The following MCTP1 variants were observed in gnomAD, a reference collection of about 807,000 sequenced individuals.
MCTP1 encodes multiple C2 and transmembrane domain-containing protein 1.
A neutral mutation model predicts 120.6 loss-of-function variants in MCTP1; 69 were observed. That is an observed-to-expected ratio of 0.57 (90% CI 0.47 to 0.70). MCTP1 has a LOEUF of 0.70. Among genes scored for constraint, MCTP1 ranks in the 30% least tolerant of loss-of-function variants. The pLI is 0.00. For missense variants in MCTP1, 1,203 were observed against 1,248.8 expected (o/e 0.96, Z 0.55); for synonymous variants, 529 against 493.1 (o/e 1.07, Z -0.96).
At chr5:94,720,143 A>C (rs1760554939) in intron 19 of MCTP1, among the ~76,000 whole-genome samples, 1 of 151,910 alleles carries the variant, frequency 6.6e-6, no homozygotes, top group Non-Finnish European at 1.5e-5. Context: ...ATAAATAAAT[A>C]AAAATAAAAT....
At chr5:94,822,880 C>A (rs1338795521) in intron 17 of MCTP1, among the ~76,000 whole-genome samples, 2 of 152,152 alleles carry the variant, frequency 1.3e-5, no homozygotes, top group African/African-American at 4.8e-5. Flanking sequence ...TGTTCATATC[C>A]TTCATCCACT....
At chr5:95,062,486 C>T (rs1325914873) in intron 1 of MCTP1, among the ~76,000 whole-genome samples, 1 of 152,148 alleles carries the variant, frequency 6.6e-6, no homozygotes, top group East Asian at 1.9e-4. Flanking sequence ...AATTCCCTCC[C>T]TGCATTAAGC....
At chr5:95,203,956 T>C (rs1751346928) in intron 1 of MCTP1, among the ~76,000 whole-genome samples, 1 of 152,218 alleles carries the variant, frequency 6.6e-6, no homozygotes, top group Non-Finnish European at 1.5e-5. Context: ...TGTAAATGTG[T>C]AGATTACTAA....
chr5:94,768,443 AAAT>A (rs1486254070), intron 19 of MCTP1, among the ~76,000 whole-genome samples: 2 of 152,158 alleles, frequency 1.3e-5, no homozygotes, highest in Non-Finnish European at 2.9e-5. Context: ...ACAGCAAAGG[AAAT>A]AATAAGAACG....
At chr5:94,824,320 G>T (rs79715535) in intron 17 of MCTP1, among the ~76,000 whole-genome samples, 2 of 152,128 alleles carry the variant, frequency 1.3e-5, no homozygotes, top group South Asian at 2.1e-4. Context: ...TTTTGTCATT[G>T]GTTCTGTTTT....
At chr5:94,719,530 A>T (rs1202471014) in intron 19 of MCTP1, among the ~76,000 whole-genome samples, 2 of 152,220 alleles carry the variant, frequency 1.3e-5, no homozygotes, top group Non-Finnish European at 2.9e-5. Context: ...ACATGGATGG[A>T]GCTGGAAGCC....
At chr5:94,748,286 A>T (rs1466119866) in intron 19 of MCTP1, among the ~76,000 whole-genome samples, 1 of 152,196 alleles carries the variant, frequency 6.6e-6, no homozygotes, top group Non-Finnish European at 1.5e-5. Flanking sequence ...TGCCAGTTGC[A>T]TGTACAGTTA....
chr5:94,800,818 A>T (rs1407681662), intron 17 of MCTP1, among the ~76,000 whole-genome samples: 1 of 152,128 alleles, frequency 6.6e-6, no homozygotes, highest in East Asian at 1.9e-4. Flanking sequence ...TTTTGGACAG[A>T]ATTACATAGT....
chr5:94,707,228 T>C lies in MCTP1; in HGVS notation c.*268A>G, dbSNP rs1290028850. 1 of 322,928 alleles carries C rather than the reference T, an allele frequency of 3.1e-6. No homozygotes were observed. The highest frequency in any genetic ancestry group is 5.6e-6 in the Non-Finnish European group (1 of 177,946). The allele number at this position is 322,928 out of a possible 1,614,324, so 20.0% of individuals were successfully genotyped here. A position where few individuals can be genotyped will look rare whatever the true frequency, so the allele number is the denominator to read the frequency against. On this transcript the variant is annotated 3_prime_UTR_variant, in exon 23 of 23. Coordinates refer to ENST00000515393, the MANE Select transcript of MCTP1 (RefSeq NM_024717.7). Reference sequence around the variant, plus strand: ...ATATATCTTCCAGTGTTATCATTCTTATATTTGTTCTTTCAGTGTGTTATA... The same window carrying C: ...ATATATCTTCCAGTGTTATCATTCTCATATTTGTTCTTTCAGTGTGTTATA...
intron 3 of MCTP1, among the ~76,000 whole-genome samples, chr5:94,942,833 T>C (rs1164470926): frequency 6.6e-6 from 1 of 152,042 alleles, no homozygotes; most frequent in Non-Finnish European, 1.5e-5. Flanking sequence ...TATAGGACAA[T>C]GCCACTTTAA....
intron 17 of MCTP1, among the ~76,000 whole-genome samples, chr5:94,844,128 C>A (rs959484932): frequency 1.3e-5 from 2 of 151,742 alleles, no homozygotes; most frequent in Non-Finnish European, 2.9e-5. Flanking sequence ...CATGGTGAAA[C>A]CCTGTCTCTA....
At chr5:94,761,730 A>G (rs1771392274) in intron 19 of MCTP1, among the ~76,000 whole-genome samples, 1 of 152,198 alleles carries the variant, frequency 6.6e-6, no homozygotes, top group Non-Finnish European at 1.5e-5. Flanking sequence ...CTTATGCACT[A>G]TGACCTTTAT....
At chr5:94,862,684 A>G (rs1339191273) in intron 17 of MCTP1, among the ~76,000 whole-genome samples, 2 of 151,836 alleles carry the variant, frequency 1.3e-5, no homozygotes, top group Non-Finnish European at 2.9e-5. Flanking sequence ...GGCCTTTTAT[A>G]TAATTGCAGG....
At chr5:94,734,897 T>C (rs973337576) in intron 19 of MCTP1, among the ~76,000 whole-genome samples, 4 of 152,224 alleles carry the variant, frequency 2.6e-5, no homozygotes, top group African/African-American at 9.6e-5. Context: ...AGCTTCATCA[T>C]GACCTATGGT....
intron 10 of MCTP1, among the ~76,000 whole-genome samples, chr5:94,908,456 T>C (rs1807535326): frequency 6.6e-6 from 1 of 152,076 alleles, no homozygotes; most frequent in South Asian, 2.1e-4. Flanking sequence ...TTAGTATGTA[T>C]AAATTTTCTT....
intron 1 of MCTP1, among the ~76,000 whole-genome samples, chr5:95,056,535 G>A (rs1747427164): frequency 6.6e-6 from 1 of 152,096 alleles, no homozygotes; most frequent in African/African-American, 2.4e-5. Flanking sequence ...GAATTATCAA[G>A]GATTAATTCA....
intron 17 of MCTP1, among the ~76,000 whole-genome samples, chr5:94,807,877 C>G (rs777792380): frequency 2.0e-4 from 30 of 152,064 alleles, no homozygotes; most frequent in Non-Finnish European, 3.4e-4. Context: ...CTATAATTAA[C>G]TTACAAAAGA....
intron 1 of MCTP1, among the ~76,000 whole-genome samples, chr5:95,277,226 A>G (rs1759924427): frequency 6.6e-6 from 1 of 152,122 alleles, no homozygotes; most frequent in South Asian, 2.1e-4. Context: ...TGACCCGGAG[A>G]CCTCAGAAGT....
At chr5:94,929,790 T>C (rs1814088919) in intron 6 of MCTP1, 1 of 425,658 alleles carries the variant, frequency 2.3e-6, no homozygotes, top group Non-Finnish European at 3.1e-6. Context: ...CTAATATAGA[T>C]GAATATGGCA....
Sources: allele counts gnomAD v4.1 joint callset (sites outside exome capture counted in the v4.1 genomes callset), GRCh38; gene constraint gnomAD v4.1.1; transcripts MANE v1.5; gene names NCBI Gene and HGNC (gene_info 2026-07-23, HGNC 2026-07-21).